Variants in AGBL1 observed in about 807,000 individuals in gnomAD.
The protein encoded by AGBL1 is cytosolic carboxypeptidase 4.
A neutral mutation model predicts 118.9 loss-of-function variants in AGBL1; 130 were observed. The ratio of observed to expected loss-of-function variants is 1.09; its 90% CI spans 0.95 to 1.26. AGBL1 has a LOEUF of 1.26. Ranked by LOEUF, AGBL1 falls within the 50% of genes most tolerant of loss-of-function variation. The pLI, the probability that AGBL1 is intolerant of heterozygous loss-of-function variation, is 0.00. For synonymous variants in AGBL1, 555 were observed against 478.9 expected, an observed-to-expected ratio of 1.16 and a Z score of -2.08; for missense variants, 1,584 against 1,298.1, an observed-to-expected ratio of 1.22 and a Z score of -3.38.
At chr15:86,469,812 G>A (rs142308278) in intron 18 of AGBL1, among the ~76,000 whole-genome samples, 11 of 152,070 alleles carry the variant, frequency 7.2e-5, no homozygotes, top group Admixed American at 2.0e-4. Context: ...TTTAACTTGC[G>A]TTTCCCAGAT....
intron 17 of AGBL1, among the ~76,000 whole-genome samples, chr15:86,347,153 G>T (rs1381966345): frequency 6.6e-6 from 1 of 152,214 alleles, no homozygotes; most frequent in East Asian, 1.9e-4. Flanking sequence ...TCTAGGCAAA[G>T]TAAGATTTTG....
chr15:86,891,682 T>C (rs2080054519), intron 22 of AGBL1, among the ~76,000 whole-genome samples: 1 of 152,040 alleles, frequency 6.6e-6, no homozygotes. Flanking sequence ...AAAAACTGGG[T>C]TGCCCACAAG....
At chr15:86,927,841 AT>A (rs2080561686) in intron 23 of AGBL1, among the ~76,000 whole-genome samples, 1 of 152,098 alleles carries the variant, frequency 6.6e-6, no homozygotes, top group Admixed American at 6.5e-5. Flanking sequence ...AGGTTGCAAT[AT>A]TGTGTATTAC....
chr15:86,758,535 G>A (rs1355522206), intron 22 of AGBL1, among the ~76,000 whole-genome samples: 1 of 152,090 alleles, frequency 6.6e-6, no homozygotes, highest in Non-Finnish European at 1.5e-5. Context: ...GCAAACCATT[G>A]TGGTCTAAGT....
chr15:86,708,115 C>G (rs967873400), intron 22 of AGBL1, among the ~76,000 whole-genome samples: 4 of 152,104 alleles, frequency 2.6e-5, no homozygotes, highest in Non-Finnish European at 4.4e-5. Flanking sequence ...GGCATTAACA[C>G]ATGTATACTG....
chr15:86,870,097 TA>T (rs1428502824), intron 22 of AGBL1, among the ~76,000 whole-genome samples: 1 of 152,160 alleles, frequency 6.6e-6, no homozygotes, highest in African/African-American at 2.4e-5. Context: ...AACACACAGA[TA>T]ACCTTGATTA....
chr15:86,580,221 A>C (rs1025594946), intron 21 of AGBL1, among the ~76,000 whole-genome samples: 3 of 152,214 alleles, frequency 2.0e-5, no homozygotes, highest in Non-Finnish European at 4.4e-5. Context: ...GCCTAATTTA[A>C]ATTATAATGC....
At chr15:86,400,258 T>G (rs762507356) in intron 18 of AGBL1, among the ~76,000 whole-genome samples, 1 of 152,084 alleles carries the variant, frequency 6.6e-6, no homozygotes, top group Non-Finnish European at 1.5e-5. Context: ...CATTCCTCCC[T>G]TAGGATATCC....
chr15:86,820,695 G>C (rs1257095436), intron 22 of AGBL1, among the ~76,000 whole-genome samples: 1 of 152,178 alleles, frequency 6.6e-6, no homozygotes, highest in Non-Finnish European at 1.5e-5. Flanking sequence ...AAACTGGAGA[G>C]GATGTGGAGA....
chr15:86,294,496 T>A (rs140607946), intron 16 of AGBL1, among the ~76,000 whole-genome samples: 1 of 144,326 alleles, frequency 6.9e-6, no homozygotes, highest in East Asian at 2.1e-4. Flanking sequence ...ATTGGGGAGG[T>A]ATGGTAGGAA....
chr15:86,490,785 T>A (rs1567021783), intron 18 of AGBL1, among the ~76,000 whole-genome samples: 1 of 151,938 alleles, frequency 6.6e-6, no homozygotes, highest in Non-Finnish European at 1.5e-5. Flanking sequence ...ACCTGCTGTA[T>A]TAAAACAACA....
chr15:86,273,021 T>C (rs2079186270), intron 15 of AGBL1, among the ~76,000 whole-genome samples: 1 of 152,218 alleles, frequency 6.6e-6, no homozygotes, highest in Admixed American at 6.5e-5. Flanking sequence ...GTGTCAAGAA[T>C]GACTTTTAGT....
intron 5 of AGBL1, among the ~76,000 whole-genome samples, chr15:86,210,509 G>A (rs143946579): frequency 7.4e-4 from 113 of 152,082 alleles, no homozygotes; most frequent in Non-Finnish European, 1.4e-3. Context: ...GGCTTTGTTC[G>A]TCGCTTTTTA....
chr15:86,245,103 A>C (rs993644899), intron 6 of AGBL1, among the ~76,000 whole-genome samples: 1 of 152,198 alleles, frequency 6.6e-6, no homozygotes, highest in Non-Finnish European at 1.5e-5. Context: ...CCAACTGCAC[A>C]AATGGGCCAA....
chr15:86,209,437 T>C (rs547918981), intron 5 of AGBL1, among the ~76,000 whole-genome samples: 2 of 152,280 alleles, frequency 1.3e-5, no homozygotes, highest in African/African-American at 2.4e-5. Flanking sequence ...CCCATTATTA[T>C]TGTGTGGGAG....
At chr15:86,660,931 T>G (rs2142515534) in intron 21 of AGBL1, among the ~76,000 whole-genome samples, 1 of 152,274 alleles carries the variant, frequency 6.6e-6, no homozygotes, top group East Asian at 1.9e-4. Context: ...AGAGTTTTAG[T>G]GACTAAAAAT....
chr15:86,297,606 T>G (rs2079666314), intron 17 of AGBL1, among the ~76,000 whole-genome samples: 1 of 152,240 alleles, frequency 6.6e-6, no homozygotes, highest in Admixed American at 6.5e-5. Flanking sequence ...TACTCTTCTC[T>G]GTTTCCAAAT....
Position 86,487,287 on chromosome 15 carries a change from T to C in AGBL1, c.2556-35523T>C, listed in dbSNP as rs917319765. ...TCTCTTCCTATTGTAACTCTTTGCT[T>C]GAAAAAGGAGCTTCATCCTCCAAGG... On this transcript the variant is annotated intron_variant, in intron 18 of 22. Coordinates refer to ENST00000614907, the MANE Select transcript of AGBL1 (RefSeq NM_001386094.1). 2.6e-5 allele frequency among the ~76,000 whole-genome samples: 4 copies of C among 152,052 alleles called. No individual in the cohort carries two copies. In the East Asian group the frequency reaches 7.7e-4, roughly 29 times the overall value.
intron 21 of AGBL1, among the ~76,000 whole-genome samples, chr15:86,639,069 G>A (rs750585222): frequency 2.0e-5 from 3 of 152,192 alleles, no homozygotes; most frequent in East Asian, 1.9e-4. Flanking sequence ...CTAGGCAAGC[G>A]AGAAGGCAAT....
Sources: allele counts gnomAD v4.1 joint callset (sites outside exome capture counted in the v4.1 genomes callset), GRCh38; gene constraint gnomAD v4.1.1; transcripts MANE v1.5; gene names NCBI Gene and HGNC (gene_info 2026-07-23, HGNC 2026-07-21).